Variants in KCNQ5 observed in about 807,000 individuals in gnomAD.
KCNQ5 encodes the protein potassium voltage-gated channel subfamily KQT member 5.
KCNQ5 carries 30 observed loss-of-function variants against 98.2 expected under a neutral mutation model. The observed-to-expected ratio is 0.31, with a 90% CI of 0.23 to 0.41. The LOEUF (loss-of-function observed/expected upper bound fraction) is 0.41, where lower values mean the gene tolerates loss of function less well. Ranked by LOEUF, KCNQ5 falls within the 10% of genes least tolerant of loss-of-function variation. The probability of loss-of-function intolerance (pLI) is 1.00; values close to 1 mark genes in which losing one functional copy is unlikely to be tolerated. For missense variants in KCNQ5, 835 were observed against 1,182.5 expected, an observed-to-expected ratio of 0.71 and a Z score of 4.31; for synonymous variants, 458 against 449.4, an observed-to-expected ratio of 1.02 and a Z score of -0.24.
At chr6:72,978,902 C>T (rs550087332) in intron 1 of KCNQ5, among the ~76,000 whole-genome samples, 5 of 152,284 alleles carry the variant, frequency 3.3e-5, no homozygotes, top group African/African-American at 9.6e-5. Flanking sequence ...TGTTCAGTTC[C>T]CGCCTGTGAG....
intron 1 of KCNQ5, among the ~76,000 whole-genome samples, chr6:72,932,072 A>G (rs1247179353): frequency 1.3e-5 from 2 of 152,162 alleles, no homozygotes; most frequent in Non-Finnish European, 2.9e-5. Context: ...CCTCATGAAA[A>G]GACCCAGCCA....
At chr6:72,880,509 A>G (rs1050226345) in intron 1 of KCNQ5, among the ~76,000 whole-genome samples, 1 of 152,172 alleles carries the variant, frequency 6.6e-6, no homozygotes, top group African/African-American at 2.4e-5. Flanking sequence ...TTTGAAGGGG[A>G]CACAATTATT....
intron 1 of KCNQ5, among the ~76,000 whole-genome samples, chr6:72,875,184 C>T (rs1365315857): frequency 1.1e-4 from 16 of 152,178 alleles, no homozygotes; most frequent in Admixed American, 1.0e-3. Flanking sequence ...TCCATTATGA[C>T]AACCTCATCA....
chr6:72,961,727 C>A (rs1031963831), intron 1 of KCNQ5, among the ~76,000 whole-genome samples: 1 of 151,236 alleles, frequency 6.6e-6, no homozygotes, highest in Non-Finnish European at 1.5e-5. Context: ...GTGTGGACTT[C>A]AGAAAGGATG....
At chr6:73,025,558 G>T (rs1384833006) in intron 2 of KCNQ5, among the ~76,000 whole-genome samples, 1 of 147,750 alleles carries the variant, frequency 6.8e-6, no homozygotes, top group African/African-American at 2.5e-5. Flanking sequence ...GGGAGGCAAA[G>T]GTTGCAGTGA....
intron 5 of KCNQ5, among the ~76,000 whole-genome samples, chr6:73,101,769 A>T (rs917790054): frequency 6.6e-6 from 1 of 152,176 alleles, no homozygotes; most frequent in Non-Finnish European, 1.5e-5. Context: ...AAAAGGAAAG[A>T]TATTTCATGT....
At chr6:72,829,443 C>T (rs1372962162) in intron 1 of KCNQ5, among the ~76,000 whole-genome samples, 1 of 112,748 alleles carries the variant, frequency 8.9e-6, no homozygotes, top group Non-Finnish European at 1.8e-5. Flanking sequence ...TCTCTCTCCT[C>T]TTCTCTTCTC....
chr6:73,034,797 T>C (rs1287411885), intron 2 of KCNQ5, among the ~76,000 whole-genome samples: 1 of 151,940 alleles, frequency 6.6e-6, no homozygotes, highest in Non-Finnish European at 1.5e-5. Flanking sequence ...TCAATACATA[T>C]TGTAGATAAA....
chr6:72,964,519 T>C (rs1205411096), intron 1 of KCNQ5, among the ~76,000 whole-genome samples: 1 of 152,222 alleles, frequency 6.6e-6, no homozygotes, highest in African/African-American at 2.4e-5. Flanking sequence ...TATAAATACC[T>C]TATTGATTTC....
At chr6:72,676,590 A>T (rs1384476717) in intron 1 of KCNQ5, among the ~76,000 whole-genome samples, 1 of 152,208 alleles carries the variant, frequency 6.6e-6, no homozygotes, top group African/African-American at 2.4e-5. Flanking sequence ...GATTCTGGTA[A>T]TTAGTATGAA....
intron 1 of KCNQ5, among the ~76,000 whole-genome samples, chr6:72,630,036 G>A (rs1295191996): frequency 1.3e-5 from 2 of 151,978 alleles, no homozygotes; most frequent in Non-Finnish European, 2.9e-5. Context: ...TTTGTGTATT[G>A]TGCATATATA....
chr6:73,082,576 T>G (rs183505347), intron 5 of KCNQ5, among the ~76,000 whole-genome samples: 1 of 152,348 alleles, frequency 6.6e-6, no homozygotes, highest in African/African-American at 2.4e-5. Flanking sequence ...TCTATTCTCC[T>G]GCTTCTCATC....
At chr6:72,939,963 A>G (rs747801681) in intron 1 of KCNQ5, among the ~76,000 whole-genome samples, 1 of 152,226 alleles carries the variant, frequency 6.6e-6, no homozygotes, top group Non-Finnish European at 1.5e-5. Context: ...TGAAGGCAGC[A>G]CATAAAAAAC....
intron 1 of KCNQ5, among the ~76,000 whole-genome samples, chr6:72,743,002 C>G (rs73753889): frequency 0.052 from 7,913 of 152,212 alleles, 672 homozygotes; most frequent in African/African-American, 0.18. Context: ...ATACAAAACT[C>G]TCTTTTTAGG....
intron 1 of KCNQ5, among the ~76,000 whole-genome samples, chr6:72,853,541 G>A (rs944275124): frequency 8.5e-5 from 13 of 152,076 alleles, no homozygotes; most frequent in African/African-American, 2.9e-4. Context: ...ACAGGATTTC[G>A]CCATGTTGGC....
intron 10 of KCNQ5, chr6:73,158,274 T>G (rs112557412): frequency 2.7e-4 from 48 of 180,868 alleles, no homozygotes; most frequent in South Asian, 1.3e-3. Flanking sequence ...TTTTTTTTTT[T>G]TTTTTTTTTG....
chr6:72,900,749 A>T (rs1480347220), intron 1 of KCNQ5, among the ~76,000 whole-genome samples: 23 of 151,916 alleles, frequency 1.5e-4, no homozygotes. Context: ...ATAGTGTTGT[A>T]CTAGTTTATA....
At chr6:73,165,914 G>A (rs78497977) in intron 10 of KCNQ5, among the ~76,000 whole-genome samples, 2 of 151,626 alleles carry the variant, frequency 1.3e-5, no homozygotes, top group Non-Finnish European at 2.9e-5. Context: ...TACTACACTT[G>A]AGCCTGGGTG....
At chr6:73,090,024 A>G (rs568220052) in intron 5 of KCNQ5, among the ~76,000 whole-genome samples, 1 of 152,284 alleles carries the variant, frequency 6.6e-6, no homozygotes, top group South Asian at 2.1e-4. Flanking sequence ...TTACATTCCA[A>G]CCAGCAGTGT....
Sources: allele counts gnomAD v4.1 joint callset (sites outside exome capture counted in the v4.1 genomes callset), GRCh38; gene constraint gnomAD v4.1.1; transcripts MANE v1.5; gene names NCBI Gene and HGNC (gene_info 2026-07-23, HGNC 2026-07-21).